The following ZNF385A variants were observed in gnomAD, a reference collection of about 807,000 sequenced individuals.
The protein encoded by ZNF385A is hematopoietic zinc finger protein.
A neutral mutation model predicts 32.1 loss-of-function variants in ZNF385A; 14 were observed. The observed-to-expected ratio is 0.44, with a 90% CI of 0.29 to 0.68. The LOEUF (loss-of-function observed/expected upper bound fraction) is 0.68, where lower values mean the gene tolerates loss of function less well. Ranked by LOEUF, ZNF385A falls within the 30% of genes least tolerant of loss-of-function variation. ZNF385A has a pLI of 0.14. For synonymous variants in ZNF385A, 197 were observed against 202.7 expected (o/e 0.97, Z 0.24); for missense variants, 406 against 478.4 (o/e 0.85, Z 1.41).
rs1212689737 is a variant in ZNF385A, at chr12:54,384,602, T to A, written c.-88A>T. On this transcript the variant is annotated 5_prime_UTR_variant, in exon 1 of 7. Coordinates refer to ENST00000394313, the MANE Select transcript of ZNF385A (RefSeq NM_015481.3). Reference sequence around the variant, plus strand: ...GAAAACATTCTGTGGGGTAGGAAGATTAAAGCTTGGGAACCCCACCCAAGC... The same window carrying A: ...GAAAACATTCTGTGGGGTAGGAAGAATAAAGCTTGGGAACCCCACCCAAGC... 1.5e-5 allele frequency: 21 copies of A among 1,425,972 alleles called. No homozygotes were observed. In the East Asian group the frequency reaches 5.5e-4, roughly 37 times the overall value. 88.3% of individuals were successfully genotyped at this position (1,425,972 alleles called of 1,614,324 possible). A position where few individuals can be genotyped will look rare whatever the true frequency, so the allele number is the denominator to read the frequency against.
upstream of ZNF385A, chr12:54,384,966 C>T (rs867987570): frequency 1.8e-4 from 174 of 990,644 alleles, no homozygotes; most frequent in Non-Finnish European, 2.0e-4. Flanking sequence ...AGCTTGGTAT[C>T]GCCCCAGGAA....
rs1324931947 is a variant in ZNF385A at position 54,370,514 on chromosome 12, GAA to G, written c.871-30_871-29del. On this transcript the variant is annotated intron_variant, in intron 6 of 6. Coordinates refer to ENST00000394313, the MANE Select transcript of ZNF385A (RefSeq NM_015481.3). The surrounding 1 kb of genome is among the most constrained non-coding windows in gnomAD (Gnocchi z 5.5). ...GAAGCGGGCGAAAGGCGGAGGAAGA[GAA>G]GTCACCCGGCGGTCCTGCAAACCCC... 4.5e-6 allele frequency: 7 copies of G among 1,550,694 alleles called. No individual in the cohort carries two copies. The East Asian group carries it at 7.3e-5, about 16-fold the overall frequency.
At chr12:54,378,692 G>C (rs961822773) in intron 1 of ZNF385A, among the ~76,000 whole-genome samples, 1 of 152,068 alleles carries the variant, frequency 6.6e-6, no homozygotes, top group Non-Finnish European at 1.5e-5. Flanking sequence ...AGGGAGCTAG[G>C]GGGTATCTAG....
At chr12:54,375,992 G>T (rs370356057) in intron 1 of ZNF385A, 38 bp from the exon 2 acceptor site, 8 of 1,526,966 alleles carry the variant, frequency 5.2e-6, no homozygotes, top group Non-Finnish European at 7.3e-6. Flanking sequence ...GAACCCTAGC[G>T]CAACTCATGT....
At position 54,370,507 on chromosome 12, in the gene ZNF385A, AG is replaced by A. The variant is rs1461546780; in HGVS notation, c.871-22del. On this transcript the variant is annotated intron_variant, in intron 6 of 6. Coordinates refer to ENST00000394313, the MANE Select transcript of ZNF385A (RefSeq NM_015481.3). This position sits in a 1 kb window ranked among gnomAD's most constrained non-coding sequence, Gnocchi z 5.5. ...GTGCCCTGAAGCGGGCGAAAGGCGG[AG>A]GAAGAGAAGTCACCCGGCGGTCCTG... is the stretch of plus-strand genomic sequence containing the variant. The A allele has an allele frequency of 6.4e-7, 1 of 1,551,004 alleles. No individual in the cohort carries two copies. The highest frequency in any genetic ancestry group is 2.4e-5 in the East Asian group (1 of 40,898).
At chr12:54,389,931 C>T (rs1200497851) in intron 1 of ZNF385A, among the ~76,000 whole-genome samples, 2 of 151,838 alleles carry the variant, frequency 1.3e-5, no homozygotes, top group Non-Finnish European at 2.9e-5. Flanking sequence ...GGGGGTGAGA[C>T]ATACAGCAGA....
Position 54,376,083 on chromosome 12 carries a change from T to C in ZNF385A, c.88-129A>G, listed in dbSNP as rs975409648. On this transcript the variant is annotated intron_variant, in intron 1 of 6. Transcript: ENST00000394313. ...TATCCCTTAATATGCCTGAGGGATCTGAGCCTCAGTCTTCTGATTCTCTCT... is the reference window on the plus strand; with the variant it reads ...TATCCCTTAATATGCCTGAGGGATCCGAGCCTCAGTCTTCTGATTCTCTCT... The C allele has an allele frequency of 1.5e-5, 10 of 672,090 alleles. No individual in the cohort carries two copies. In the Admixed American group the frequency reaches 2.4e-4, roughly 16 times the overall value. The allele number at this position is 672,090 out of a possible 1,614,324, so 41.6% of individuals were successfully genotyped here. A position where few individuals can be genotyped will look rare whatever the true frequency, so the allele number is the denominator to read the frequency against.
At chr12:54,371,835 C>T in intron 3 of ZNF385A, 120 bp from the exon 4 acceptor site, 1 of 1,428,920 alleles carries the variant, frequency 7.0e-7, no homozygotes, top group Non-Finnish European at 9.5e-7. Context: ...CACCCTGTTA[C>T]AACATGCATG....
At position 54,370,993 on chromosome 12, in the gene ZNF385A, G is replaced by A; in HGVS notation, c.708C>T (p.Ala236=). 1 of 1,614,172 alleles carries A rather than the reference G, an allele frequency of 6.2e-7. No homozygotes were observed. The highest frequency in any genetic ancestry group is 8.5e-7 in the Non-Finnish European group (1 of 1,180,020). Residue 236 remains alanine (A), a synonymous_variant, in exon 5 of 7, where the codon GCC becomes GCT. Transcript: ENST00000394313. This position sits in a 1 kb window ranked among gnomAD's most constrained non-coding sequence, Gnocchi z 5.5. ...PPTPGEPEAP[A]QDRTFHCEIC... is the part of the protein sequence containing the mutation. ...TCTCACAGTGGAAAGTTCGGTCCTG[G>A]GCAGGAGCCTCTGGTTCCCCCGGGG...
At chr12:54,371,239 G>C (rs1373785383) in intron 4 of ZNF385A, 143 bp from the exon 5 acceptor site, 2 of 1,130,966 alleles carry the variant, frequency 1.8e-6, no homozygotes, top group Admixed American at 2.6e-5. Context: ...AGCTCCTTGG[G>C]ACCCTCCCAA....
intron 2 of ZNF385A, 104 bp downstream of exon 2, chr12:54,375,740 C>T: frequency 1.1e-6 from 1 of 941,990 alleles, no homozygotes; most frequent in Non-Finnish European, 1.7e-6. Context: ...TTAATCCCTG[C>T]CCCTCAACCA....
At chr12:54,382,222 C>T (rs1474715387) in intron 1 of ZNF385A, among the ~76,000 whole-genome samples, 1 of 140,726 alleles carries the variant, frequency 7.1e-6, no homozygotes, top group Admixed American at 7.1e-5. Flanking sequence ...CGCCCGCCAC[C>T]ACGCCCGGCT....
At chr12:54,377,153 C>A (rs1954887705) in intron 1 of ZNF385A, among the ~76,000 whole-genome samples, 1 of 152,198 alleles carries the variant, frequency 6.6e-6, no homozygotes, top group South Asian at 2.1e-4. Flanking sequence ...CCTCTGGACT[C>A]TCCTTTCCTC....
In ZNF385A at chr12:54,370,644, C is replaced by T; in HGVS notation, c.852G>A (p.Arg284=). 1 of 1,604,720 alleles carries T rather than the reference C, an allele frequency of 6.2e-7. No homozygotes were observed. The highest frequency in any genetic ancestry group is 8.5e-7 in the Non-Finnish European group (1 of 1,176,218). ...GCCTCACCGCCAGCTCCCCGGCGCC[C>T]CTAGACTTCTTGTGACGGCTCAGTA... is the stretch of plus-strand genomic sequence containing the variant. ...NPLLSRHKKS[R]GAGELAGTLT... The change falls in exon 6 of 7, where the codon AGG becomes AGA. Residue 284 remains arginine, a synonymous_variant. Coordinates refer to ENST00000394313, the MANE Select transcript of ZNF385A (RefSeq NM_015481.3). The surrounding 1 kb of genome is among the most constrained non-coding windows in gnomAD (Gnocchi z 5.5).
At position 54,370,471 on chromosome 12, in the gene ZNF385A, A is replaced by G. The variant is rs1440026112; in HGVS notation, c.886T>C (p.Ser296Pro). 6.4e-7 allele frequency: 1 copy of G among 1,551,100 alleles called. No individual in the cohort carries two copies. The highest frequency in any genetic ancestry group is 1.4e-5 in the African/African-American group (1 of 73,004). Reference sequence around the variant, plus strand: ...GCCAGGGACTTGGGCAGCTCCTTGGAGAAAGTCAGCGTGCCCTGAAGCGGG... The same window carrying G: ...GCCAGGGACTTGGGCAGCTCCTTGGGGAAAGTCAGCGTGCCCTGAAGCGGG... ...AGELAGTLTFSKELPKSLAGG... is the reference protein window; with the variant it reads ...AGELAGTLTFPKELPKSLAGG... Residue 296 changes from serine to proline, a missense_variant, in exon 7 of 7, where the codon TCC (serine) becomes CCC (proline). Ser to Pro is a moderately conservative substitution (Grantham distance 74). Coordinates refer to ENST00000394313, the MANE Select transcript of ZNF385A (RefSeq NM_015481.3). This position sits in a 1 kb window ranked among gnomAD's most constrained non-coding sequence, Gnocchi z 5.5.
rs1954509862 is a variant in ZNF385A, at chr12:54,370,894, TC to T, written c.774+32del. 1 of 1,613,896 alleles carries T rather than the reference TC, an allele frequency of 6.2e-7. No homozygotes were observed. Among genetic ancestry groups the T allele is most frequent in the Non-Finnish European group, 8.5e-7 (1 of 1,179,936 alleles). ...CCTTCCCCACTTAGCGGGTGGAGCG[TC>T]CCAGAATTCCTGGGAAGGGCCTTAG... On this transcript the variant is annotated intron_variant, in intron 5 of 6. Coordinates refer to ENST00000394313, the MANE Select transcript of ZNF385A (RefSeq NM_015481.3). This position sits in a 1 kb window ranked among gnomAD's most constrained non-coding sequence, Gnocchi z 5.5.
At chr12:54,380,175 A>T (rs1276058871) in intron 1 of ZNF385A, among the ~76,000 whole-genome samples, 11 of 152,228 alleles carry the variant, frequency 7.2e-5, no homozygotes, top group Non-Finnish European at 7.3e-5. Flanking sequence ...TGGAGGTGCC[A>T]GTCCACTGGG....
chr12:54,376,690 G>A (rs964268357), intron 1 of ZNF385A, among the ~76,000 whole-genome samples: 4 of 152,164 alleles, frequency 2.6e-5, no homozygotes, highest in South Asian at 2.1e-4. Flanking sequence ...GGGGCTGGGC[G>A]GGATTAGGAA....
intron 2 of ZNF385A, among the ~76,000 whole-genome samples, chr12:54,375,313 C>A (rs1190893218): frequency 1.3e-5 from 2 of 152,122 alleles, no homozygotes; most frequent in Admixed American, 1.3e-4. Context: ...GGGAAAGCCC[C>A]ATGGGATAAG....
Sources: gnomAD v4.1 joint callset for allele counts (sites outside exome capture counted in the v4.1 genomes callset) on GRCh38, gnomAD v4.1.1 for gene constraint, Gnocchi (gnomAD v3.1) non-coding constraint, MANE v1.5 for transcripts, NCBI Gene and HGNC (gene_info 2026-07-23, HGNC 2026-07-21) for gene names.